MTRR: variants seen among roughly 807,000 people sequenced by gnomAD.
MTRR encodes 5-methyltetrahydrofolate-homocysteine methyltransferase reductase, also known as methionine synthase reductase.
In MTRR, 63 loss-of-function variants were observed where a neutral mutation model predicts 79.2. The ratio of observed to expected loss-of-function variants is 0.80; its 90% confidence interval spans 0.65 to 0.98. The LOEUF (loss-of-function observed/expected upper bound fraction) is 0.98. Among genes scored for constraint, MTRR ranks in the 50% least tolerant of loss-of-function variants. The probability of loss-of-function intolerance (pLI) is 0.00; values close to 1 mark genes in which losing one functional copy is unlikely to be tolerated. For synonymous variants in MTRR, 355 were observed against 313.3 expected, an observed-to-expected ratio of 1.13 and a Z score of -1.41; for missense variants, 895 against 839.6, an observed-to-expected ratio of 1.07 and a Z score of -0.82.
At chr5:7,876,836 C>T (rs1422815694) in intron 4 of MTRR, among the ~76,000 whole-genome samples, 2 of 152,220 alleles carry the variant, frequency 1.3e-5, no homozygotes, top group Non-Finnish European at 2.9e-5. Context: ...AGAAGAGTGC[C>T]TGTCGTCATG....
In MTRR at chr5:7,895,838, G is replaced by A; in HGVS notation, c.1662G>A (p.Gly554=). The change falls in exon 12 of 15, where the codon GGG becomes GGA. Residue 554 remains glycine, a synonymous_variant. Coordinates refer to ENST00000440940, the MANE Select transcript of MTRR (RefSeq NM_002454.3). The stretch of plus-strand genomic sequence containing the variant: ...GAACCGGCATAGCCCCGTTTATTGG[G>A]TTCCTACAACATAGGTATGTTCTTT... ...GPGTGIAPFI[G]FLQHREKLQE... 2.5e-6 allele frequency: 4 copies of A among 1,614,088 alleles called. No homozygotes were observed. The highest frequency in any genetic ancestry group is 3.4e-6 in the Non-Finnish European group (4 of 1,179,990).
chr5:7,886,743 A>C (rs960969879), intron 8 of MTRR, 40 bp downstream of exon 8: 1 of 1,472,430 alleles, frequency 6.8e-7, no homozygotes, highest in South Asian at 1.1e-5. Flanking sequence ...ATTTTAAAAT[A>C]TGCTTAGCTT....
upstream of MTRR, chr5:7,867,570 G>T: frequency 6.2e-7 from 1 of 1,614,248 alleles, no homozygotes; most frequent in Non-Finnish European, 8.5e-7. Flanking sequence ...TTTGACAGCT[G>T]TGAGGGCTCC....
At chr5:7,867,144 G>C (rs1255665722), upstream of MTRR, 3 of 1,614,174 alleles carry the variant, frequency 1.9e-6, no homozygotes, top group South Asian at 2.2e-5. Flanking sequence ...TTTATAATCA[G>C]AGGAAATGCT....
chr5:7,880,066 G>A (rs1735328626), intron 5 of MTRR, among the ~76,000 whole-genome samples: 1 of 152,354 alleles, frequency 6.6e-6, no homozygotes, highest in East Asian at 1.9e-4. Context: ...CTTGGGAGGG[G>A]ATGTCCTGAC....
intron 2 of MTRR, among the ~76,000 whole-genome samples, chr5:7,872,063 G>C (rs143246889): frequency 1.4e-3 from 219 of 151,954 alleles, no homozygotes; most frequent in African/African-American, 4.8e-3. Context: ...TGATGGTTTC[G>C]TCTAGCTGTT....
Position 7,893,048 on chromosome 5 carries a change from C to T in MTRR, c.1557+135C>T, listed in dbSNP as rs368800203. The T allele has an allele frequency of 9.5e-6, 10 of 1,058,044 alleles. No individual in the cohort carries two copies. In the African/African-American group the frequency reaches 1.4e-4, roughly 15 times the overall value. The allele number at this position is 1,058,044 out of a possible 1,614,324, so 65.5% of individuals were successfully genotyped here. A position where few individuals can be genotyped will look rare whatever the true frequency, so the allele number is the denominator to read the frequency against. On this transcript the variant is annotated intron_variant, in intron 11 of 14. Transcript: ENST00000440940. ...ATGCTGTTCTTGAATTTTAAAATCT[C>T]TATTGCAAGAGCAGAAAACTGTTTA...
In MTRR at chr5:7,886,759, A is replaced by G. The variant is rs1736530491; in HGVS notation, c.1146+56A>G. 6 of 1,393,484 alleles carry G rather than the reference A, an allele frequency of 4.3e-6. No individual in the cohort carries two copies. The Admixed American group carries it at 1.0e-4, about 23-fold the overall frequency. 86.3% of individuals were successfully genotyped at this position (1,393,484 alleles called of 1,614,324 possible). ...TTTTAAAATATGCTTAGCTTTATTT[A>G]GGATTGATTAAACAAATTTAGAATA... is the stretch of plus-strand genomic sequence containing the variant. On this transcript the variant is annotated intron_variant, in intron 8 of 14. Transcript: ENST00000440940.
intron 5 of MTRR, among the ~76,000 whole-genome samples, chr5:7,880,836 G>A (rs1735458071): frequency 6.6e-6 from 1 of 152,162 alleles, no homozygotes; most frequent in African/African-American, 2.4e-5. Flanking sequence ...TGTCATAGAT[G>A]AGCTATGCTG....
At chr5:7,893,575 T>G (rs1195206991) in intron 11 of MTRR, 1 of 152,700 alleles carries the variant, frequency 6.5e-6, no homozygotes, top group Non-Finnish European at 1.5e-5. Context: ...CAGCAGAATT[T>G]CGAGACCACG....
chr5:7,892,831 G>A lies in MTRR; in HGVS notation c.1475G>A (p.Trp492Ter). 1 of 1,614,178 alleles carries A rather than the reference G, an allele frequency of 6.2e-7. No individual in the cohort carries two copies. Among genetic ancestry groups the A allele is most frequent in the Non-Finnish European group, 8.5e-7 (1 of 1,180,036 alleles). The change falls in exon 11 of 15, where the codon TGG becomes TAG. Residue 492 changes from tryptophan to a stop codon, truncating the protein, a stop_gained. Transcript: ENST00000440940. LOFTEE classifies it high-confidence loss of function. ...CTGCGGAAGGGAGTATGTACAGGCT[G>A]GCTGGCCTTGTTGGTTGCTTCAGTT... Reference protein sequence around the residue: ...EVLRKGVCTGWLALLVASVLQ... With the variant: ...EVLRKGVCTG
At chr5:7,885,638 T>C in intron 6 of MTRR, 63 bp from the exon 7 acceptor site, 1 of 1,506,006 alleles carries the variant, frequency 6.6e-7, no homozygotes, top group Non-Finnish European at 9.2e-7. Flanking sequence ...TTTGTTACCC[T>C]ACAGCTTAAA....
At chr5:7,875,447 C>A in intron 4 of MTRR, 72 bp downstream of exon 4, 1 of 1,268,282 alleles carries the variant, frequency 7.9e-7, no homozygotes, top group Non-Finnish European at 1.2e-6. Context: ...TAAAACATGT[C>A]AGCTTTTCAC....
Position 7,869,181 on chromosome 5 carries a change from G to T in MTRR, c.-60G>T, listed in dbSNP as rs1462003693. On this transcript the variant is annotated 5_prime_UTR_variant, in exon 1 of 15. Transcript: ENST00000440940. The stretch of plus-strand genomic sequence containing the variant: ...CTGGCGCAAGGTTGGTGGAAGTCGC[G>T]TTGTGCAGGTTCGTGCCCGGCTGGC... 6.2e-7 allele frequency: 1 copy of T among 1,611,384 alleles called. No homozygotes were observed. The highest frequency in any genetic ancestry group is 8.5e-7 in the Non-Finnish European group (1 of 1,179,820).
chr5:7,886,439 G>A (rs1736449960), intron 7 of MTRR, 176 bp from the exon 8 acceptor site: 3 of 604,446 alleles, frequency 5.0e-6, no homozygotes, highest in Non-Finnish European at 8.8e-6. Context: ...GTAAGGTGGA[G>A]TTTTTTACTG....
In MTRR at chr5:7,862,905, A is replaced by G. The variant is rs764621481; in HGVS notation, n.498+848A>G. Reference sequence around the variant, plus strand: ...AAAGGTTAGTCAGCCCAATCTTCACATATCTATAAAGCTGAGAATCCACAG... The same window carrying G: ...AAAGGTTAGTCAGCCCAATCTTCACGTATCTATAAAGCTGAGAATCCACAG... On this transcript the variant is annotated intron_variant and non_coding_transcript_variant, in intron 2 of 3. Transcript: ENST00000502509. The G allele has an allele frequency of 8.7e-6, 14 of 1,614,136 alleles. No homozygotes were observed. In the South Asian group the frequency reaches 8.8e-5, roughly 10 times the overall value.
In MTRR at chr5:7,892,774, T is replaced by C. The variant is rs777447397; in HGVS notation, c.1418T>C (p.Val473Ala). 8 of 1,614,248 alleles carry C rather than the reference T, an allele frequency of 5.0e-6. No individual in the cohort carries two copies. Among genetic ancestry groups the C allele is most frequent in the Non-Finnish European group, 6.8e-6 (8 of 1,180,042 alleles). Residue 473 changes from valine (V) to alanine (A), a missense_variant, in exon 11 of 15, where the codon GTG becomes GCG. By Grantham distance (64) the Val-to-Ala change is moderately conservative. Coordinates refer to ENST00000440940, the MANE Select transcript of MTRR (RefSeq NM_002454.3). ...AAGCTCCATTTTGTCTTCAACATTG[T>C]GGAATTTCTGTCTACTGCCACAACA... ...PGKLHFVFNIVEFLSTATTEV... is the reference protein window; with the variant it reads ...PGKLHFVFNIAEFLSTATTEV...
upstream of MTRR, chr5:7,866,818 T>G: frequency 1.2e-6 from 2 of 1,614,156 alleles, no homozygotes; most frequent in Non-Finnish European, 1.7e-6. Flanking sequence ...AGGCATTTGG[T>G]GGCAAATAAT....
upstream of MTRR, among the ~76,000 whole-genome samples, chr5:7,865,192 G>T (rs1746856069): frequency 6.6e-6 from 1 of 152,084 alleles, no homozygotes; most frequent in South Asian, 2.1e-4. Flanking sequence ...TTTTAATACT[G>T]TTCCTTTAGA....
Sources: allele counts gnomAD v4.1 joint callset (sites outside exome capture counted in the v4.1 genomes callset), GRCh38; gene constraint gnomAD v4.1.1; transcripts MANE v1.5; gene names NCBI Gene and HGNC (gene_info 2026-07-23, HGNC 2026-07-21).